The following SLC8A1 variants were observed in gnomAD, a reference collection of about 807,000 sequenced individuals.
The protein encoded by SLC8A1 is sodium/calcium exchanger 1.
SLC8A1 carries 18 observed loss-of-function variants against 68.3 expected under a neutral mutation model. That is an observed-to-expected ratio of 0.26 (90% CI 0.18 to 0.39). The LOEUF (loss-of-function observed/expected upper bound fraction) is 0.39, where lower values mean the gene tolerates loss of function less well. SLC8A1 is among the 10% of genes least tolerant of loss of function. The pLI, the probability that SLC8A1 is intolerant of heterozygous loss-of-function variation, is 1.00. For missense variants in SLC8A1, 985 were observed against 1,156.7 expected (o/e 0.85, Z 2.15); for synonymous variants, 475 against 415.5 (o/e 1.14, Z -1.74).
At chr2:40,386,445 A>G (rs976945333) in intron 2 of SLC8A1, among the ~76,000 whole-genome samples, 2 of 150,966 alleles carry the variant, frequency 1.3e-5, no homozygotes, top group South Asian at 2.1e-4. Context: ...AGGCTTTTAC[A>G]TTATTTAATC....
chr2:40,350,506 GGCATTTATCAAATT>G (rs1447188242), intron 2 of SLC8A1, among the ~76,000 whole-genome samples: 1 of 137,254 alleles, frequency 7.3e-6, no homozygotes, highest in East Asian at 2.3e-4. Context: ...TTTATCAAAT[GGCATTTATCAAATT>G]ACAAATAATT....
At chr2:40,484,946 G>A (rs766328725) in intron 1 of SLC8A1, among the ~76,000 whole-genome samples, 14 of 152,274 alleles carry the variant, frequency 9.2e-5, no homozygotes, top group Middle Eastern at 3.4e-3. Context: ...TTAATGTTAC[G>A]TGATGAAGTC....
intron 2 of SLC8A1, among the ~76,000 whole-genome samples, chr2:40,203,869 T>A (rs950019092): frequency 3.3e-5 from 5 of 151,928 alleles, no homozygotes; most frequent in Non-Finnish European, 7.4e-5. Context: ...CACACCTGGC[T>A]AATTTTTTAA....
chr2:40,417,700 C>A (rs1694288162), intron 2 of SLC8A1, among the ~76,000 whole-genome samples: 1 of 152,070 alleles, frequency 6.6e-6, no homozygotes, highest in Non-Finnish European at 1.5e-5. Context: ...GCTAGTATGG[C>A]CCCAAAGCGT....
intron 2 of SLC8A1, among the ~76,000 whole-genome samples, chr2:40,246,059 A>T (rs1255046526): frequency 6.6e-6 from 1 of 152,206 alleles, no homozygotes; most frequent in Non-Finnish European, 1.5e-5. Flanking sequence ...CTTCTCAATT[A>T]ACCTCTCTTC....
chr2:40,199,170 T>C (rs1485183916), intron 2 of SLC8A1, among the ~76,000 whole-genome samples: 1 of 151,848 alleles, frequency 6.6e-6, no homozygotes, highest in Admixed American at 6.6e-5. Flanking sequence ...TTGTGGAATT[T>C]AGAGTATGTG....
intron 7 of SLC8A1, among the ~76,000 whole-genome samples, chr2:40,130,101 C>G (rs2110924): frequency 0.14 from 21,675 of 152,132 alleles, 1,637 homozygotes; most frequent in Admixed American, 0.19. Context: ...TGACTACCAA[C>G]AAAAAACCCT....
chr2:40,499,092 G>C (rs1705891135), intron 1 of SLC8A1, among the ~76,000 whole-genome samples: 1 of 152,042 alleles, frequency 6.6e-6, no homozygotes, highest in African/African-American at 2.4e-5. Context: ...AATAATTGTT[G>C]ATCTGTGGAG....
chr2:40,286,924 G>A lies in SLC8A1; in HGVS notation c.1809-109069C>T, dbSNP rs574342118. 4.0e-4 allele frequency among the ~76,000 whole-genome samples: 61 copies of A among 152,292 alleles called. 3 individuals carry two copies. The highest frequency in any genetic ancestry group is 7.2e-5 in the African/African-American group (3 of 41,576). ...TTCAAGTGAAAGATGATGCAACCAC[G>A]ACAGGCTGGAATCAGGCCTTTGGGC... On this transcript the variant is annotated intron_variant, in intron 2 of 7. Transcript: ENST00000406785.
chr2:40,300,482 G>A (rs1045216230), intron 2 of SLC8A1, among the ~76,000 whole-genome samples: 2 of 151,974 alleles, frequency 1.3e-5, no homozygotes, highest in Admixed American at 6.6e-5. Flanking sequence ...TATTTGTTTC[G>A]TAGGCTGGCC....
intron 2 of SLC8A1, among the ~76,000 whole-genome samples, chr2:40,205,420 T>C (rs1436385849): frequency 6.6e-6 from 1 of 152,052 alleles, no homozygotes; most frequent in Non-Finnish European, 1.5e-5. Context: ...CTTCTCTCGT[T>C]CTTTTTTATG....
intron 2 of SLC8A1, among the ~76,000 whole-genome samples, chr2:40,300,790 A>T (rs2071316868): frequency 6.6e-6 from 1 of 152,142 alleles, no homozygotes; most frequent in South Asian, 2.1e-4. Flanking sequence ...TGCAGCAGTC[A>T]TTTTGCTTTA....
chr2:40,509,807 C>T (rs1483731608), intron 1 of SLC8A1, among the ~76,000 whole-genome samples: 1 of 137,040 alleles, frequency 7.3e-6, no homozygotes, highest in Non-Finnish European at 1.6e-5. Flanking sequence ...AGATCATTAA[C>T]AGCCTTTTTT....
At chr2:40,252,913 GTA>G (rs1174177726) in intron 2 of SLC8A1, among the ~76,000 whole-genome samples, 1 of 130,394 alleles carries the variant, frequency 7.7e-6, no homozygotes, top group Non-Finnish European at 1.6e-5. Context: ...ATGTATATGT[GTA>G]TATATACATA....
At chr2:40,421,615 G>A (rs1576358093) in intron 2 of SLC8A1, among the ~76,000 whole-genome samples, 1 of 152,162 alleles carries the variant, frequency 6.6e-6, no homozygotes, top group African/African-American at 2.4e-5. Flanking sequence ...CAGCCTGAAA[G>A]GTGAGGGACT....
intron 6 of SLC8A1, among the ~76,000 whole-genome samples, chr2:40,148,365 G>A (rs1001778042): frequency 6.6e-6 from 1 of 152,154 alleles, no homozygotes; most frequent in Non-Finnish European, 1.5e-5. Context: ...AAAGGACGCT[G>A]GCTCTACAGC....
At chr2:40,405,726 A>G (rs1690129082) in intron 2 of SLC8A1, among the ~76,000 whole-genome samples, 2 of 152,142 alleles carry the variant, frequency 1.3e-5, no homozygotes, top group African/African-American at 4.8e-5. Flanking sequence ...TCCAGTGTTT[A>G]TGCTTGAGCT....
At chr2:40,466,797 A>T (rs1703700302) in intron 1 of SLC8A1, among the ~76,000 whole-genome samples, 1 of 151,974 alleles carries the variant, frequency 6.6e-6, no homozygotes. Context: ...TGCAACTTGG[A>T]CTCTGTATTT....
intron 2 of SLC8A1, among the ~76,000 whole-genome samples, chr2:40,319,225 T>C (rs1422189167): frequency 2.6e-5 from 4 of 152,094 alleles, no homozygotes; most frequent in Non-Finnish European, 4.4e-5. Flanking sequence ...GTTTCCTAAA[T>C]AGAACACTTA....
Sources: allele counts gnomAD v4.1 joint callset (sites outside exome capture counted in the v4.1 genomes callset), GRCh38; gene constraint gnomAD v4.1.1; transcripts MANE v1.5; gene names NCBI Gene and HGNC (gene_info 2026-07-23, HGNC 2026-07-21).